The following RANBP2 variants were observed in gnomAD, a reference collection of about 807,000 sequenced individuals.
The protein encoded by RANBP2 is E3 SUMO-protein ligase RanBP2.
A neutral mutation model predicts 303.6 loss-of-function variants in RANBP2; 57 were observed. The ratio of observed to expected loss-of-function variants is 0.19; its 90% CI spans 0.15 to 0.23. The LOEUF is 0.23. RANBP2 is among the 10% of genes least tolerant of loss of function. The pLI is 1.00. For missense variants in RANBP2, 3,138 were observed against 3,780.8 expected (o/e 0.83, Z 4.46); for synonymous variants, 1,167 against 1,301.5 (o/e 0.90, Z 2.23).
the RANBP2 span, among the ~76,000 whole-genome samples, chr2:109,697,380 C>T: frequency 6.6e-6 from 1 of 151,720 alleles, no homozygotes; most frequent in East Asian, 2.0e-4. Flanking sequence ...AGCTACTTGG[C>T]AGGCTGAGGC....
At position 108,775,839 on chromosome 2, in the gene RANBP2, C is replaced by G. The variant is rs1677846431; in HGVS notation, c.8400C>G (p.Thr2800=). 9 of 1,613,714 alleles carry G rather than the reference C, an allele frequency of 5.6e-6. No homozygotes were observed. Among genetic ancestry groups the G allele is most frequent in the Non-Finnish European group, 6.8e-6 (8 of 1,179,914 alleles). The stretch of plus-strand genomic sequence containing the variant: ...AATCTGAAGAACCTGATTCTATTAC[C>G]AAATCCATTAGTTCACCATCTGTTT... ...FCKSEEPDSI[T]KSISSPSVSS... is the part of the protein sequence containing the mutation. Residue 2800 remains threonine (T), a synonymous_variant, in exon 24 of 29, where the codon ACC becomes ACG. Transcript: ENST00000283195.
the RANBP2 span, among the ~76,000 whole-genome samples, chr2:108,891,475 G>T: frequency 3.3e-5 from 5 of 152,218 alleles, no homozygotes; most frequent in Admixed American, 3.3e-4. Context: ...CTGGGTTAGG[G>T]TGAAGTTATT....
At chr2:109,519,082 C>A in the RANBP2 span, among the ~76,000 whole-genome samples, 2 of 151,950 alleles carry the variant, frequency 1.3e-5, no homozygotes, top group African/African-American at 2.4e-5. Context: ...CCATGCCTGG[C>A]TAATTTTTGT....
the RANBP2 span, among the ~76,000 whole-genome samples, chr2:109,071,985 A>G: frequency 1.3e-5 from 2 of 152,222 alleles, no homozygotes; most frequent in Admixed American, 1.3e-4. Flanking sequence ...AATATGTTTG[A>G]ATGTGTCAAA....
the RANBP2 span, among the ~76,000 whole-genome samples, chr2:109,630,217 C>T: frequency 9.9e-5 from 15 of 152,070 alleles, no homozygotes; most frequent in Non-Finnish European, 1.6e-4. Context: ...TTATGATGTT[C>T]TGACATCTTA....
the RANBP2 span, among the ~76,000 whole-genome samples, chr2:108,891,816 C>G: frequency 1.3e-5 from 2 of 152,052 alleles, no homozygotes; most frequent in African/African-American, 2.4e-5. Context: ...CTGTGATGGA[C>G]TGGGTAAGAC....
Position 108,753,004 on chromosome 2 carries a change from G to C in RANBP2, c.1762G>C (p.Gly588Arg), listed in dbSNP as rs200629657. 6.2e-7 allele frequency: 1 copy of C among 1,608,120 alleles called. No individual in the cohort carries two copies. Among genetic ancestry groups the C allele is most frequent in the East Asian group, 2.2e-5 (1 of 44,742 alleles). ...WAECLQKTGSGLNSFYDQREY... is the reference protein window; with the variant it reads ...WAECLQKTGSRLNSFYDQREY... ...TTTTAACTTTCTTTTTTAGGGCAGC[G>C]GTCTTAATTCTTTTTATGATCAACG... The change falls in exon 13 of 29, where the codon GGT becomes CGT. Residue 588 changes from glycine to arginine, a missense_variant. By Grantham distance (125) the Gly-to-Arg change is moderately radical (BLOSUM62 -2). Around this residue, in one of 20 missense-constraint regions of RANBP2, gnomAD observed 162 missense variants for 286.9 expected, o/e 0.56. Transcript: ENST00000283195.
the RANBP2 span, among the ~76,000 whole-genome samples, chr2:109,004,863 G>A: frequency 2.0e-5 from 3 of 152,156 alleles, no homozygotes; most frequent in Non-Finnish European, 4.4e-5. Flanking sequence ...CTGACTCCCT[G>A]TGGTCATGAT....
the RANBP2 span, among the ~76,000 whole-genome samples, chr2:109,353,239 C>T: frequency 6.6e-6 from 1 of 152,238 alleles, no homozygotes; most frequent in Admixed American, 6.5e-5. Context: ...GCACTGGCCT[C>T]CTGGTGGGTT....
the RANBP2 span, among the ~76,000 whole-genome samples, chr2:109,608,559 T>C: frequency 2.6e-5 from 4 of 152,206 alleles, no homozygotes; most frequent in African/African-American, 7.2e-5. Context: ...GGGGAGCCCA[T>C]CCTACCTGGC....
chr2:109,696,614 G>A, the RANBP2 span, among the ~76,000 whole-genome samples: 28 of 151,896 alleles, frequency 1.8e-4, no homozygotes, highest in African/African-American at 6.5e-4. Context: ...TTCAAACTTG[G>A]TTTGGCTATT....
At chr2:109,516,259 C>A in the RANBP2 span, among the ~76,000 whole-genome samples, 3 of 152,290 alleles carry the variant, frequency 2.0e-5, no homozygotes, top group South Asian at 2.1e-4. Flanking sequence ...CTAAGTCCCA[C>A]CCCCTGTGCC....
chr2:109,413,139 G>C, the RANBP2 span, among the ~76,000 whole-genome samples: 1,111 of 152,296 alleles, frequency 7.3e-3, 10 homozygotes, highest in East Asian at 0.045. Context: ...TTTTGAGATA[G>C]AGTCTTGCTC....
At chr2:109,737,169 G>T in the RANBP2 span, 2 of 835,912 alleles carry the variant, frequency 2.4e-6, no homozygotes, top group Non-Finnish European at 3.7e-6. Flanking sequence ...CTTCGTCCTG[G>T]TTAATTTGGA....
At chr2:109,181,359 G>A in the RANBP2 span, among the ~76,000 whole-genome samples, 1 of 152,124 alleles carries the variant, frequency 6.6e-6, no homozygotes, top group Non-Finnish European at 1.5e-5. Flanking sequence ...TAAATTACAG[G>A]TTTTACCAGG....
the RANBP2 span, among the ~76,000 whole-genome samples, chr2:109,655,730 T>C: frequency 6.6e-6 from 1 of 152,172 alleles, no homozygotes; most frequent in African/African-American, 2.4e-5. Flanking sequence ...CTCTCTTCCT[T>C]AAAGCCGAAA....
At chr2:109,601,568 C>G in the RANBP2 span, among the ~76,000 whole-genome samples, 1 of 152,190 alleles carries the variant, frequency 6.6e-6, no homozygotes, top group Non-Finnish European at 1.5e-5. Flanking sequence ...ACTTGCCTAT[C>G]AGGGTACTCC....
At chr2:109,037,592 T>A in the RANBP2 span, among the ~76,000 whole-genome samples, 1 of 152,144 alleles carries the variant, frequency 6.6e-6, no homozygotes. Context: ...CTAGAATTAA[T>A]GTAAAGTCGG....
At chr2:108,919,346 C>T in the RANBP2 span, among the ~76,000 whole-genome samples, 1 of 152,166 alleles carries the variant, frequency 6.6e-6, no homozygotes, top group Non-Finnish European at 1.5e-5. Context: ...CATTAACCCT[C>T]TGACCGCTTT....
Sources: gnomAD v4.1 joint callset for allele counts (sites outside exome capture counted in the v4.1 genomes callset) on GRCh38, gnomAD v4.1.1 for gene constraint, gnomAD v4.1.1 regional missense constraint, MANE v1.5 for transcripts, NCBI Gene and HGNC (gene_info 2026-07-23, HGNC 2026-07-21) for gene names.